C1orf21: variants seen among roughly 807,000 people sequenced by gnomAD.
The protein encoded by C1orf21 is uncharacterized protein C1orf21.
In C1orf21, 3 loss-of-function variants were observed where a neutral mutation model predicts 18.7. The observed-to-expected ratio is 0.16, with a 90% CI of 0.07 to 0.42. The LOEUF (loss-of-function observed/expected upper bound fraction) is 0.42, where lower values mean the gene tolerates loss of function less well. Among genes scored for constraint, C1orf21 ranks in the 10% least tolerant of loss-of-function variants. The probability of loss-of-function intolerance (pLI) is 0.99; values close to 1 mark genes in which losing one functional copy is unlikely to be tolerated. For missense variants in C1orf21, 104 were observed against 143.6 expected (o/e 0.72, Z 1.41); for synonymous variants, 41 against 46.4 (o/e 0.88, Z 0.47).
chr1:184,395,152 G>A (rs1656031783), intron 1 of C1orf21, among the ~76,000 whole-genome samples: 1 of 151,978 alleles, frequency 6.6e-6, no homozygotes, highest in South Asian at 2.1e-4. Flanking sequence ...ACTTATTTTA[G>A]GCTTAATTTA....
intron 3 of C1orf21, among the ~76,000 whole-genome samples, chr1:184,575,791 T>C (rs532480195): frequency 6.6e-6 from 1 of 151,664 alleles, no homozygotes; most frequent in Non-Finnish European, 1.5e-5. Flanking sequence ...CCCTGACCCC[T>C]GCTAAGAGAC....
chr1:184,501,431 T>C (rs1033194853), intron 2 of C1orf21, among the ~76,000 whole-genome samples: 2 of 152,204 alleles, frequency 1.3e-5, no homozygotes, highest in Non-Finnish European at 2.9e-5. Context: ...CACTGAGATA[T>C]ATCACGTCCT....
chr1:184,508,358 A>G (rs1327288814), intron 3 of C1orf21, among the ~76,000 whole-genome samples: 1 of 152,206 alleles, frequency 6.6e-6, no homozygotes, highest in South Asian at 2.1e-4. Flanking sequence ...TGTTAAGAAT[A>G]TGTATTTAGT....
chr1:184,494,161 C>A (rs528611623), intron 2 of C1orf21, among the ~76,000 whole-genome samples: 1 of 152,196 alleles, frequency 6.6e-6, no homozygotes, highest in Non-Finnish European at 1.5e-5. Flanking sequence ...ATCTGAGGAA[C>A]TGACCTTTGA....
Position 184,528,948 on chromosome 1 carries a change from T to G in C1orf21, c.189+21266T>G, listed in dbSNP as rs557962131. ...GTTTCCAGGAATGGGATCATTGGAT[T>G]GATGAATATGAATCGTTTTATTGTT... On this transcript the variant is annotated intron_variant, in intron 3 of 5. Transcript: ENST00000235307. Among the ~76,000 whole-genome samples, 7 of 152,316 alleles carry G rather than the reference T, an allele frequency of 4.6e-5. No individual in the cohort carries two copies. The South Asian group carries it at 1.2e-3, about 27-fold the overall frequency.
chr1:184,597,612 C>T (rs1190286566), intron 4 of C1orf21, among the ~76,000 whole-genome samples: 1 of 152,158 alleles, frequency 6.6e-6, no homozygotes, highest in Admixed American at 6.5e-5. Flanking sequence ...CTTGAAACAC[C>T]CACAGCTATC....
At chr1:184,446,241 G>C (rs930498309) in intron 1 of C1orf21, among the ~76,000 whole-genome samples, 3 of 151,978 alleles carry the variant, frequency 2.0e-5, no homozygotes, top group African/African-American at 4.8e-5. Context: ...TGGTGCTTCA[G>C]AGTAGAGTAT....
intron 3 of C1orf21, among the ~76,000 whole-genome samples, chr1:184,582,264 A>G (rs367974437): frequency 2.6e-5 from 4 of 152,366 alleles, no homozygotes; most frequent in East Asian, 3.9e-4. Flanking sequence ...TACTCCCCCA[A>G]AGCTAGCATT....
At chr1:184,538,207 G>C (rs966469593) in intron 3 of C1orf21, among the ~76,000 whole-genome samples, 8 of 152,102 alleles carry the variant, frequency 5.3e-5, no homozygotes, top group African/African-American at 1.7e-4. Context: ...ATATCTCCCT[G>C]ATGATTTAGT....
At chr1:184,564,727 A>G (rs1235697455) in intron 3 of C1orf21, among the ~76,000 whole-genome samples, 1 of 152,212 alleles carries the variant, frequency 6.6e-6, no homozygotes, top group Non-Finnish European at 1.5e-5. Context: ...AGCCAGTTAT[A>G]TGTAGAATGA....
chr1:184,549,610 T>C (rs1429444130), intron 3 of C1orf21, among the ~76,000 whole-genome samples: 1 of 151,974 alleles, frequency 6.6e-6, no homozygotes. Flanking sequence ...CTTTTGAGTT[T>C]TTTTTTTCTT....
chr1:184,530,743 A>G (rs554051115), intron 3 of C1orf21, among the ~76,000 whole-genome samples: 3 of 151,512 alleles, frequency 2.0e-5, no homozygotes, highest in African/African-American at 7.3e-5. Flanking sequence ...TTCAGCAACT[A>G]TCCTACCTTG....
intron 2 of C1orf21, among the ~76,000 whole-genome samples, chr1:184,499,146 C>T (rs2101960000): frequency 1.3e-5 from 2 of 152,106 alleles, no homozygotes; most frequent in East Asian, 3.9e-4. Flanking sequence ...TCTTCCTCCT[C>T]CCCTTCCTCC....
intron 2 of C1orf21, among the ~76,000 whole-genome samples, chr1:184,506,111 G>T (rs1035364337): frequency 1.3e-5 from 2 of 151,970 alleles, no homozygotes; most frequent in African/African-American, 4.8e-5. Flanking sequence ...ATATATTTAG[G>T]ACCTGGTATT....
chr1:184,423,084 G>A lies in C1orf21; in HGVS notation c.-125+35716G>A, dbSNP rs1656571536. ...GTTTACTTAATGGGGACAATGAGTTGTTATAAAGAGCCAAGGAGACAATGT... is the reference window on the plus strand; with the variant it reads ...GTTTACTTAATGGGGACAATGAGTTATTATAAAGAGCCAAGGAGACAATGT... On this transcript the variant is annotated intron_variant, in intron 1 of 5. Transcript: ENST00000235307. Among the ~76,000 whole-genome samples the A allele has an allele frequency of 2.0e-5, 3 of 152,314 alleles. No individual in the cohort carries two copies. The South Asian group carries it at 6.2e-4, about 32-fold the overall frequency.
At chr1:184,546,204 G>A (rs906471748) in intron 3 of C1orf21, among the ~76,000 whole-genome samples, 1 of 152,150 alleles carries the variant, frequency 6.6e-6, no homozygotes, top group Admixed American at 6.5e-5. Context: ...AGAGGCCAAG[G>A]TGGGCATATC....
At chr1:184,523,381 A>G (rs1008359544) in intron 3 of C1orf21, among the ~76,000 whole-genome samples, 4 of 152,166 alleles carry the variant, frequency 2.6e-5, no homozygotes, top group Admixed American at 6.5e-5. Context: ...GAGCTTCAGT[A>G]TAATCATGAG....
chr1:184,507,542 A>T (rs777535868), intron 2 of C1orf21, 46 bp from the exon 3 acceptor site: 1 of 1,508,090 alleles, frequency 6.6e-7, no homozygotes, highest in Non-Finnish European at 9.0e-7. Flanking sequence ...CTTTTCTACT[A>T]TTGGGAAAAA....
chr1:184,469,241 C>A (rs573746680), intron 1 of C1orf21, among the ~76,000 whole-genome samples: 12 of 152,266 alleles, frequency 7.9e-5, no homozygotes, highest in Admixed American at 2.6e-4. Context: ...CAGAGTGAGA[C>A]TCTGTAATAA....
Sources: allele counts gnomAD v4.1 joint callset (sites outside exome capture counted in the v4.1 genomes callset), GRCh38; gene constraint gnomAD v4.1.1; transcripts MANE v1.5; gene names NCBI Gene and HGNC (gene_info 2026-07-23, HGNC 2026-07-21).